PRKG1: variants seen among roughly 807,000 people sequenced by gnomAD.
PRKG1 encodes the protein protein kinase cGMP-dependent 1.
PRKG1 carries 35 observed loss-of-function variants against 88.1 expected under a neutral mutation model. The observed-to-expected ratio is 0.40, with a 90% CI of 0.30 to 0.53. PRKG1 has a LOEUF of 0.53. PRKG1 is among the 20% of genes least tolerant of loss of function. The pLI is 0.59. For synonymous variants in PRKG1, 303 were observed against 292.5 expected (o/e 1.04, Z -0.37); for missense variants, 540 against 839.8 (o/e 0.64, Z 4.41).
Position 51,644,278 on chromosome 10 carries a change from T to G in PRKG1, c.593-160307T>G, listed in dbSNP as rs554329420. Among the ~76,000 whole-genome samples, 15 of 152,318 alleles carry G rather than the reference T, an allele frequency of 9.8e-5. No homozygotes were observed. In the East Asian group the frequency reaches 2.9e-3, roughly 29 times the overall value. ...AGATTCTGTTTTGTGTTTTTGTTCTTGTTTTTTATTGATGAGATTATGTCA... is the reference window on the plus strand; with the variant it reads ...AGATTCTGTTTTGTGTTTTTGTTCTGGTTTTTTATTGATGAGATTATGTCA... On this transcript the variant is annotated intron_variant, in intron 3 of 17. Coordinates refer to ENST00000373980, the MANE Select transcript of PRKG1 (RefSeq NM_006258.4).
At chr10:52,169,549 G>A (rs1232513835) in intron 9 of PRKG1, among the ~76,000 whole-genome samples, 1 of 152,172 alleles carries the variant, frequency 6.6e-6, no homozygotes, top group Non-Finnish European at 1.5e-5. Context: ...ATTTAGGTAG[G>A]AGGCAGTGCA....
At chr10:52,185,954 C>T (rs184009186) in intron 9 of PRKG1, among the ~76,000 whole-genome samples, 169 of 152,286 alleles carry the variant, frequency 1.1e-3, no homozygotes, top group Middle Eastern at 0.01. Flanking sequence ...AGTCCTCCTA[C>T]GCCTTTGGGC....
chr10:52,155,048 C>A (rs1036583592), intron 8 of PRKG1, among the ~76,000 whole-genome samples: 6 of 151,978 alleles, frequency 3.9e-5, no homozygotes, highest in Non-Finnish European at 7.4e-5. Context: ...GGCTGATGGA[C>A]GTTTAGGTTG....
At chr10:51,237,872 T>C (rs1839039114) in intron 2 of PRKG1, among the ~76,000 whole-genome samples, 1 of 152,174 alleles carries the variant, frequency 6.6e-6, no homozygotes, top group South Asian at 2.1e-4. Flanking sequence ...TCCCTGGGAC[T>C]TCCAAGTAGA....
At chr10:51,204,211 A>G (rs1372235333) in intron 2 of PRKG1, among the ~76,000 whole-genome samples, 3 of 152,174 alleles carry the variant, frequency 2.0e-5, no homozygotes, top group African/African-American at 7.2e-5. Context: ...CTGTTGAGGT[A>G]GTTGCAGCTG....
rs116367001 is a variant in PRKG1 at position 51,983,807 on chromosome 10, C to T, written c.763-70677C>T. The stretch of plus-strand genomic sequence containing the variant: ...AGAAGCCCATGGCGAGAAGAGCTTG[C>T]GCCTTTGCCAGTTCAACTCACCCAT... On this transcript the variant is annotated intron_variant, in intron 5 of 17. Transcript: ENST00000373980. 5.0e-3 allele frequency among the ~76,000 whole-genome samples: 765 copies of T among 152,294 alleles called. 5 individuals are homozygous for T. The highest frequency in any genetic ancestry group is 0.018 in the African/African-American group (738 of 41,550).
chr10:52,251,737 T>C, intron 10 of PRKG1, 71 bp downstream of exon 10: 1 of 1,210,574 alleles, frequency 8.3e-7, no homozygotes, highest in African/African-American at 1.5e-5. Flanking sequence ...TAGATTAAGA[T>C]TTCTTTCTTT....
chr10:52,221,483 C>A (rs1277633480), intron 9 of PRKG1, among the ~76,000 whole-genome samples: 1 of 152,046 alleles, frequency 6.6e-6, no homozygotes, highest in Non-Finnish European at 1.5e-5. Flanking sequence ...AGAATATTTG[C>A]ACACTCCATA....
chr10:51,853,467 C>G (rs542609024), intron 4 of PRKG1, among the ~76,000 whole-genome samples: 2 of 152,116 alleles, frequency 1.3e-5, no homozygotes, highest in East Asian at 3.9e-4. Context: ...AATAAAACAC[C>G]CATTATAATC....
intron 3 of PRKG1, among the ~76,000 whole-genome samples, chr10:51,487,377 A>G (rs1425880705): frequency 1.3e-5 from 2 of 152,298 alleles, no homozygotes; most frequent in African/African-American, 2.4e-5. Flanking sequence ...ATTTACTAAT[A>G]TATAAGCATC....
intron 2 of PRKG1, among the ~76,000 whole-genome samples, chr10:51,235,735 TA>T (rs775380703): frequency 3.3e-5 from 5 of 152,166 alleles, no homozygotes; most frequent in Non-Finnish European, 7.4e-5. Flanking sequence ...ATTTAAAAAT[TA>T]AAAACTAAGT....
chr10:51,719,413 T>C (rs10999070), intron 3 of PRKG1, among the ~76,000 whole-genome samples: 67,220 of 151,962 alleles, frequency 0.44, 15,486 homozygotes, highest in Middle Eastern at 0.56. Flanking sequence ...GATAATCATC[T>C]CCCAAATTCA....
intron 4 of PRKG1, among the ~76,000 whole-genome samples, chr10:51,830,230 A>T (rs1839970176): frequency 6.6e-6 from 1 of 152,124 alleles, no homozygotes; most frequent in Non-Finnish European, 1.5e-5. Flanking sequence ...TAAATCTGCC[A>T]TTACCCTCTC....
intron 2 of PRKG1, among the ~76,000 whole-genome samples, chr10:51,289,669 TGA>T (rs34176694): frequency 3.3e-4 from 49 of 147,832 alleles, no homozygotes; most frequent in Admixed American, 5.4e-4. Context: ...GTAGATTCCA[TGA>T]GAGAGAGAGA....
intron 1 of PRKG1, among the ~76,000 whole-genome samples, chr10:51,031,673 A>T (rs1037231184): frequency 6.6e-6 from 1 of 152,148 alleles, no homozygotes; most frequent in Non-Finnish European, 1.5e-5. Flanking sequence ...TTATGGATAG[A>T]ATTAAGGCTC....
At chr10:51,587,765 C>T (rs1838208852) in intron 3 of PRKG1, among the ~76,000 whole-genome samples, 1 of 152,090 alleles carries the variant, frequency 6.6e-6, no homozygotes, top group Non-Finnish European at 1.5e-5. Context: ...TGGATTTGAC[C>T]TGGACGAGTT....
chr10:50,999,364 A>G (rs1842864734), intron 1 of PRKG1, among the ~76,000 whole-genome samples: 1 of 152,242 alleles, frequency 6.6e-6, no homozygotes, highest in African/African-American at 2.4e-5. Flanking sequence ...AGGCAAATCC[A>G]GGAAGATGAC....
chr10:51,866,326 C>T (rs1405017678), intron 4 of PRKG1, among the ~76,000 whole-genome samples: 2 of 151,848 alleles, frequency 1.3e-5, no homozygotes, highest in South Asian at 2.1e-4. Context: ...TATGGGACTG[C>T]ATTTGAAACC....
chr10:51,066,628 G>A (rs1412013514), intron 1 of PRKG1, among the ~76,000 whole-genome samples: 2 of 151,942 alleles, frequency 1.3e-5, no homozygotes, highest in Non-Finnish European at 2.9e-5. Context: ...AAGAAGGAAG[G>A]TTTAGTTGTT....
Sources: allele counts gnomAD v4.1 joint callset (sites outside exome capture counted in the v4.1 genomes callset), GRCh38; gene constraint gnomAD v4.1.1; transcripts MANE v1.5; gene names NCBI Gene and HGNC (gene_info 2026-07-23, HGNC 2026-07-21).